The following FAM169A variants were observed in gnomAD, a reference collection of about 807,000 sequenced individuals.
FAM169A encodes soluble lamin-associated protein of 75 kDa.
FAM169A carries 24 observed loss-of-function variants against 75.7 expected under a neutral mutation model. That is an observed-to-expected ratio of 0.32 (90% CI 0.23 to 0.45). FAM169A has a LOEUF of 0.45. FAM169A is among the 20% of genes least tolerant of loss of function. The pLI, the probability that FAM169A is intolerant of heterozygous loss-of-function variation, is 1.00. For missense variants in FAM169A, 673 were observed against 784.0 expected (o/e 0.86, Z 1.69); for synonymous variants, 271 against 271.0 (o/e 1.00, Z 0.00).
intron 11 of FAM169A, among the ~76,000 whole-genome samples, chr5:74,785,323 G>GA (rs962994826): frequency 1.3e-5 from 2 of 151,476 alleles, no homozygotes; most frequent in African/African-American, 2.4e-5. Context: ...CGTCTCAAAA[G>GA]AAAAAAAAGA....
intron 1 of FAM169A, among the ~76,000 whole-genome samples, chr5:74,861,403 C>T (rs1238983905): frequency 1.3e-5 from 2 of 152,172 alleles, no homozygotes; most frequent in Non-Finnish European, 1.5e-5. Context: ...AATACCTCTA[C>T]CTGGATTCTC....
chr5:74,827,478 T>C (rs961894738), intron 5 of FAM169A, among the ~76,000 whole-genome samples: 1 of 152,104 alleles, frequency 6.6e-6, no homozygotes, highest in Non-Finnish European at 1.5e-5. Flanking sequence ...AATATATTTG[T>C]ATATAAATTC....
intron 1 of FAM169A, among the ~76,000 whole-genome samples, chr5:74,851,039 C>CTGAATTT (rs1343317998): frequency 2.0e-5 from 3 of 147,986 alleles, no homozygotes; most frequent in Admixed American, 2.0e-4. Flanking sequence ...CATCAGCCTC[C>CTGAATTT]TGAATGGCTA....
chr5:74,785,211 C>G lies in FAM169A; in HGVS notation c.1261-2077G>C, dbSNP rs557113955. Among the ~76,000 whole-genome samples the G allele has an allele frequency of 1.4e-4, 22 of 151,844 alleles. No individual in the cohort carries two copies. In the South Asian group the frequency reaches 4.4e-3, roughly 30 times the overall value. The stretch of plus-strand genomic sequence containing the variant: ...GCAGGCGCCTGTAATCCCAGGTACT[C>G]GGGAGGCTGAGGCAGAGAATTGCTT... On this transcript the variant is annotated intron_variant, in intron 11 of 12. Coordinates refer to ENST00000687041, the MANE Select transcript of FAM169A (RefSeq NM_001376049.1).
intron 12 of FAM169A, 121 bp from the exon 13 acceptor site, chr5:74,782,129 C>G (rs141419554): frequency 1.3e-6 from 1 of 748,180 alleles, no homozygotes; most frequent in Non-Finnish European, 2.1e-6. Context: ...TACTCAAAAT[C>G]GAGTATTTTT....
chr5:74,835,267 G>A (rs565064570), intron 4 of FAM169A, among the ~76,000 whole-genome samples: 9 of 152,112 alleles, frequency 5.9e-5, no homozygotes, highest in Admixed American at 3.3e-4. Flanking sequence ...CACAGGGACC[G>A]CACCAACACT....
chr5:74,806,567 G>C (rs1347266957), intron 6 of FAM169A, among the ~76,000 whole-genome samples: 1 of 152,196 alleles, frequency 6.6e-6, no homozygotes, highest in South Asian at 2.1e-4. Context: ...TATCAGGACT[G>C]TGCAACAGAA....
intron 1 of FAM169A, among the ~76,000 whole-genome samples, chr5:74,859,702 T>C (rs1580177453): frequency 6.6e-6 from 1 of 152,124 alleles, no homozygotes; most frequent in East Asian, 1.9e-4. Context: ...TTTTTTTAAA[T>C]AAGGAAGCAA....
At chr5:74,859,105 T>C (rs895586330) in intron 1 of FAM169A, among the ~76,000 whole-genome samples, 1 of 151,124 alleles carries the variant, frequency 6.6e-6, no homozygotes, top group African/African-American at 2.4e-5. Flanking sequence ...TCTCAGCTAC[T>C]CAAGAGGCTG....
At chr5:74,836,984 A>G (rs1334721405) in intron 4 of FAM169A, among the ~76,000 whole-genome samples, 1 of 151,590 alleles carries the variant, frequency 6.6e-6, no homozygotes, top group African/African-American at 2.4e-5. Context: ...CCCTAAGGTA[A>G]CTAAGGCTGA....
intron 5 of FAM169A, among the ~76,000 whole-genome samples, chr5:74,822,992 G>A (rs1747838925): frequency 6.6e-6 from 1 of 152,114 alleles, no homozygotes; most frequent in Non-Finnish European, 1.5e-5. Flanking sequence ...TCCTACTGGT[G>A]CTTTCCTAGT....
intron 1 of FAM169A, among the ~76,000 whole-genome samples, chr5:74,842,709 G>T (rs1002382650): frequency 4.0e-5 from 6 of 151,770 alleles, no homozygotes; most frequent in Non-Finnish European, 8.8e-5. Flanking sequence ...ATCTTGCTGG[G>T]TTTTTTGTTG....
chr5:74,778,563 AGACT>A lies in FAM169A; in HGVS notation c.*2893_*2896del, dbSNP rs1745239076. The A allele has an allele frequency of 6.6e-6, 1 of 151,110 alleles. No individual in the cohort carries two copies. Among genetic ancestry groups the A allele is most frequent in the African/African-American group, 2.5e-5 (1 of 40,750 alleles). 9.4% of individuals were successfully genotyped at this position (151,110 alleles called of 1,614,324 possible). A position where few individuals can be genotyped will look rare whatever the true frequency, so the allele number is the denominator to read the frequency against. ...TGAATATAGACACATTTTAAGTAGAAGACTGACGTTCTAAATCATGCTGTTTGAT... is the reference window on the plus strand; with the variant it reads ...TGAATATAGACACATTTTAAGTAGAAGACGTTCTAAATCATGCTGTTTGAT... On this transcript the variant is annotated 3_prime_UTR_variant, in exon 13 of 13. Transcript: ENST00000687041.
intron 1 of FAM169A, among the ~76,000 whole-genome samples, chr5:74,861,432 T>C (rs1015698936): frequency 1.3e-5 from 2 of 152,092 alleles, no homozygotes; most frequent in Non-Finnish European, 2.9e-5. Context: ...AACCCAAAAC[T>C]AAATAACGTA....
intron 5 of FAM169A, among the ~76,000 whole-genome samples, chr5:74,833,080 C>T (rs1411593052): frequency 2.0e-5 from 3 of 152,048 alleles, no homozygotes; most frequent in East Asian, 3.9e-4. Flanking sequence ...AATAGGAAGG[C>T]TGTGCCTTTG....
intron 1 of FAM169A, among the ~76,000 whole-genome samples, chr5:74,859,919 T>C (rs956059164): frequency 1.3e-5 from 2 of 151,880 alleles, no homozygotes; most frequent in Non-Finnish European, 2.9e-5. Flanking sequence ...AGAGAGATAA[T>C]AAAAGGGAGA....
intron 5 of FAM169A, among the ~76,000 whole-genome samples, chr5:74,814,333 T>C (rs1747361448): frequency 6.6e-6 from 1 of 152,130 alleles, no homozygotes; most frequent in African/African-American, 2.4e-5. Flanking sequence ...GTCTATAGAC[T>C]CATGCAACTC....
chr5:74,802,027 T>A (rs1052054674), intron 8 of FAM169A, among the ~76,000 whole-genome samples: 1 of 152,190 alleles, frequency 6.6e-6, no homozygotes, highest in Admixed American at 6.5e-5. Context: ...GGATGTCCCA[T>A]CCAATTTCAC....
chr5:74,866,183 G>A lies in FAM169A; in HGVS notation c.-22C>T. 1.0e-6 allele frequency: 1 copy of A among 984,222 alleles called. No homozygotes were observed. The highest frequency in any genetic ancestry group is 1.2e-6 in the Non-Finnish European group (1 of 829,478). 61.0% of individuals were successfully genotyped at this position (984,222 alleles called of 1,614,324 possible). ...CACTCACCTCAGACGCGCCCCGGGA[G>A]CCGCTGGAAGAGCCCGGGAAAGGAG... On this transcript the variant is annotated 5_prime_UTR_variant, in exon 1 of 13. Coordinates refer to ENST00000687041, the MANE Select transcript of FAM169A (RefSeq NM_001376049.1).
Sources: gnomAD v4.1 joint callset for allele counts (sites outside exome capture counted in the v4.1 genomes callset) on GRCh38, gnomAD v4.1.1 for gene constraint, MANE v1.5 for transcripts, NCBI Gene and HGNC (gene_info 2026-07-23, HGNC 2026-07-21) for gene names.